Variants in CPSF4L observed in about 807,000 individuals in gnomAD.
CPSF4L encodes the protein cleavage and polyadenylation specific factor 4 like, also known as putative cleavage and polyadenylation specificity factor subunit 4-like protein.
Under a neutral mutation model 24.0 loss-of-function variants are expected in CPSF4L, and 18 were observed. The observed-to-expected ratio is 0.75, with a 90% CI of 0.52 to 1.11. The LOEUF (loss-of-function observed/expected upper bound fraction) is 1.11. Ranked by LOEUF, CPSF4L falls within the 50% of genes least tolerant of loss-of-function variation. The probability of loss-of-function intolerance (pLI) is 0.00; values close to 1 mark genes in which losing one functional copy is unlikely to be tolerated. For missense variants in CPSF4L, 211 were observed against 221.8 expected, an observed-to-expected ratio of 0.95 and a Z score of 0.31; for synonymous variants, 72 against 77.2, an observed-to-expected ratio of 0.93 and a Z score of 0.35.
At chr17:73,257,644 C>A in intron 3 of CPSF4L, 37 bp downstream of exon 3, 1 of 1,548,974 alleles carries the variant, frequency 6.5e-7, no homozygotes. Flanking sequence ...CACTGCCACC[C>A]TCCAGGGTGA....
chr17:73,260,336 C>A (rs1348321331), intron 2 of CPSF4L, among the ~76,000 whole-genome samples: 2 of 152,158 alleles, frequency 1.3e-5, no homozygotes, highest in Admixed American at 6.5e-5. Flanking sequence ...AAAAAAATAC[C>A]CCTTTCCAGG....
chr17:73,259,126 AACC>A (rs1339335286), intron 2 of CPSF4L, among the ~76,000 whole-genome samples: 1 of 151,756 alleles, frequency 6.6e-6, no homozygotes, highest in African/African-American at 2.4e-5. Flanking sequence ...CTGTAGCCTC[AACC>A]TCCTAGACTC....
chr17:73,258,059 G>T (rs1325127803), intron 2 of CPSF4L, among the ~76,000 whole-genome samples: 2 of 151,768 alleles, frequency 1.3e-5, no homozygotes, highest in African/African-American at 2.4e-5. Flanking sequence ...GCCCAGGTTG[G>T]AGTGCAGCGG....
downstream of CPSF4L, chr17:73,245,223 C>T: frequency 6.2e-7 from 1 of 1,612,770 alleles, no homozygotes; most frequent in Non-Finnish European, 8.5e-7. Flanking sequence ...AGCTCTGGAA[C>T]AGCAAAGGGC....
At position 73,259,167 on chromosome 17, in the gene CPSF4L, G is replaced by T. The variant is rs2062035373; in HGVS notation, c.155-1334C>A. The stretch of plus-strand genomic sequence containing the variant: ...GAGTTCTCCCATCTCAGCCTCCCGA[G>T]TAGCTGGGACTACAGGCATGCACCA... On this transcript the variant is annotated intron_variant, in intron 2 of 5. Transcript: ENST00000344935. Among the ~76,000 whole-genome samples the T allele has an allele frequency of 2.0e-5, 3 of 152,066 alleles. No individual in the cohort carries two copies. The South Asian group carries it at 6.3e-4, about 32-fold the overall frequency.
At position 73,260,947 on chromosome 17, in the gene CPSF4L, C is replaced by T. The variant is rs1308866572; in HGVS notation, c.140G>A (p.Gly47Glu). ...TGCTAACTCACCTTTCTCACAGAGCCCTTTAGTGAAGAAGTTGCACACAGC... is the reference window on the plus strand; with the variant it reads ...TGCTAACTCACCTTTCTCACAGAGCTCTTTAGTGAAGAAGTTGCACACAGC... ...ASAVCNFFTK[G>E]LCEKGKLCPF... The change falls in exon 2 of 6, where the codon GGG becomes GAG. Residue 47 changes from glycine to glutamate, a missense_variant. Physicochemically the swap from Gly to Glu is moderately conservative, Grantham distance 98. Transcript: ENST00000344935. The T allele has an allele frequency of 1.9e-6, 3 of 1,550,818 alleles. No homozygotes were observed. In the South Asian group the frequency reaches 3.6e-5, roughly 18 times the overall value.
At chr17:73,245,448 TTTTG>T, downstream of CPSF4L, 1 of 1,160,898 alleles carries the variant, frequency 8.6e-7, no homozygotes, top group Non-Finnish European at 1.1e-6. Context: ...GAAAAACTAG[TTTTG>T]TTTAACCATA....
chr17:73,243,077 A>ATTTTT, the CPSF4L span: 12 of 438,544 alleles, frequency 2.7e-5, no homozygotes, highest in African/African-American at 8.2e-5. Context: ...GATTCTCTGA[A>ATTTTT]TTTTTTTTTT....
At chr17:73,247,538 G>T, downstream of CPSF4L, 1 of 533,888 alleles carries the variant, frequency 1.9e-6, no homozygotes. Flanking sequence ...TCAGGGTGCT[G>T]AAACATAATG....
At chr17:73,246,600 C>T (rs2061953844), downstream of CPSF4L, among the ~76,000 whole-genome samples, 2 of 152,192 alleles carry the variant, frequency 1.3e-5, no homozygotes, top group African/African-American at 4.8e-5. Flanking sequence ...TGTCGTTTCT[C>T]TCTCTTCTCA....
chr17:73,247,679 G>A (rs2061970650), downstream of CPSF4L: 1 of 198,840 alleles, frequency 5.0e-6, no homozygotes, highest in Non-Finnish European at 1.0e-5. Flanking sequence ...TTAAGGCAAA[G>A]GTGAGATCCT....
At chr17:73,242,933 A>C in the CPSF4L span, 1 of 1,614,036 alleles carries the variant, frequency 6.2e-7, no homozygotes, top group South Asian at 1.1e-5. Flanking sequence ...GGAAGAGTGG[A>C]TTCGGTGGCA....
At chr17:73,258,095 C>T (rs529175098) in intron 2 of CPSF4L, among the ~76,000 whole-genome samples, 116 of 152,022 alleles carry the variant, frequency 7.6e-4, no homozygotes, top group African/African-American at 2.6e-3. Context: ...CTGCAAGCTC[C>T]GCCTCCTGGG....
At chr17:73,255,838 T>G (rs1260747625) in intron 3 of CPSF4L, among the ~76,000 whole-genome samples, 1 of 152,142 alleles carries the variant, frequency 6.6e-6, no homozygotes, top group African/African-American at 2.4e-5. Flanking sequence ...CGTGCACGTC[T>G]CTGCATTCCT....
intron 2 of CPSF4L, among the ~76,000 whole-genome samples, chr17:73,259,722 G>A (rs1014751476): frequency 1.3e-5 from 2 of 152,172 alleles, no homozygotes; most frequent in East Asian, 3.8e-4. Context: ...TATGGTCTAG[G>A]GCTGGCCCCA....
At chr17:73,245,277 T>G, downstream of CPSF4L, 1 of 1,521,142 alleles carries the variant, frequency 6.6e-7, no homozygotes, top group South Asian at 1.3e-5. Flanking sequence ...AGTTTAAAAA[T>G]GTATAATATT....
chr17:73,250,238 A>C lies in CPSF4L; in HGVS notation c.498-1702T>G, dbSNP rs538049208. 584 of 1,549,666 alleles carry C rather than the reference A, an allele frequency of 3.8e-4. 4 individuals carry two copies. The South Asian group carries it at 6.7e-3, about 18-fold the overall frequency. ...GAGCATCTTCTCCTGACCATAGGTT[A>C]GTTTTTAATAACTCCTATCAGTTGA... On this transcript the variant is annotated intron_variant, in intron 5 of 5. Transcript: ENST00000344935.
At chr17:73,245,297 G>GA (rs1208866916), downstream of CPSF4L, 2 of 1,460,834 alleles carry the variant, frequency 1.4e-6, no homozygotes, top group Non-Finnish European at 9.1e-7. Flanking sequence ...TTGGGACAGG[G>GA]AGAGGGGAGT....
downstream of CPSF4L, chr17:73,247,570 G>A (rs1333891255): frequency 1.1e-5 from 5 of 464,344 alleles, no homozygotes; most frequent in Non-Finnish European, 1.6e-5. Flanking sequence ...CTTAGTCACA[G>A]TAAATATTTT....
Sources: gnomAD v4.1 joint callset for allele counts (sites outside exome capture counted in the v4.1 genomes callset) on GRCh38, gnomAD v4.1.1 for gene constraint, MANE v1.5 for transcripts, NCBI Gene and HGNC (gene_info 2026-07-23, HGNC 2026-07-21) for gene names.